The following SUMF1 variants were observed in gnomAD, a reference collection of about 807,000 sequenced individuals.
SUMF1 encodes the protein sulfatase modifying factor 1.
A neutral mutation model predicts 47.6 loss-of-function variants in SUMF1; 48 were observed. The observed-to-expected ratio is 1.01, with a 90% CI of 0.80 to 1.28. The LOEUF is 1.28. SUMF1 is among the 50% of genes most tolerant of loss of function. SUMF1 has a pLI of 0.00. For synonymous variants in SUMF1, 230 were observed against 192.1 expected, an observed-to-expected ratio of 1.20 and a Z score of -1.63; for missense variants, 571 against 485.4, an observed-to-expected ratio of 1.18 and a Z score of -1.66.
intron 8 of SUMF1, among the ~76,000 whole-genome samples, chr3:4,188,767 T>C (rs975764022): frequency 6.6e-6 from 1 of 152,144 alleles, no homozygotes; most frequent in Non-Finnish European, 1.5e-5. Flanking sequence ...AACAATTACC[T>C]CAAAAAGTGT....
chr3:4,128,879 G>A (rs979463623), intron 8 of SUMF1, among the ~76,000 whole-genome samples: 2 of 152,062 alleles, frequency 1.3e-5, no homozygotes, highest in East Asian at 3.9e-4. Context: ...TTCCAGCTCA[G>A]GCAGTTAAAA....
intron 8 of SUMF1, among the ~76,000 whole-genome samples, chr3:4,265,136 C>CACAA (rs1697164070): frequency 2.7e-5 from 2 of 73,412 alleles, no homozygotes; most frequent in African/African-American, 1.0e-4. Context: ...GACTCCATCT[C>CACAA]AAAAAAAAAA....
chr3:4,302,887 G>A (rs1236578396), intron 8 of SUMF1, among the ~76,000 whole-genome samples: 1 of 152,132 alleles, frequency 6.6e-6, no homozygotes, highest in Non-Finnish European at 1.5e-5. Context: ...CAGGGAGTGA[G>A]CATGCCCCCA....
intron 7 of SUMF1, among the ~76,000 whole-genome samples, chr3:4,382,850 C>G (rs1700550979): frequency 6.6e-6 from 1 of 152,046 alleles, no homozygotes; most frequent in South Asian, 2.1e-4. Context: ...TGTTCTCACT[C>G]ACAGGAGGGA....
At chr3:4,036,978 T>C (rs61497065) in intron 9 of SUMF1, among the ~76,000 whole-genome samples, 3,435 of 151,774 alleles carry the variant, frequency 0.023, 111 homozygotes, top group African/African-American at 0.074. Flanking sequence ...AGTATGAAGA[T>C]GACCAGGTTC....
chr3:4,180,329 T>C (rs1170062427), intron 8 of SUMF1, among the ~76,000 whole-genome samples: 1 of 151,892 alleles, frequency 6.6e-6, no homozygotes, highest in African/African-American at 2.4e-5. Context: ...ATTAAGAAAA[T>C]GTGGCACATA....
At chr3:4,326,848 C>T (rs1031215948) in intron 8 of SUMF1, among the ~76,000 whole-genome samples, 2 of 152,048 alleles carry the variant, frequency 1.3e-5, no homozygotes, top group African/African-American at 4.8e-5. Flanking sequence ...GGCTCTCTAA[C>T]ATCATCTCAA....
intron 8 of SUMF1, among the ~76,000 whole-genome samples, chr3:4,324,450 C>T (rs544820534): frequency 5.7e-4 from 86 of 152,136 alleles, no homozygotes; most frequent in African/African-American, 1.6e-3. Flanking sequence ...AAGAGGATTT[C>T]GTGAACTTGA....
At chr3:4,182,145 A>G (rs979914780) in intron 8 of SUMF1, among the ~76,000 whole-genome samples, 2 of 152,152 alleles carry the variant, frequency 1.3e-5, no homozygotes, top group Non-Finnish European at 2.9e-5. Flanking sequence ...TCAGAGCTTT[A>G]TAAGTTTTAC....
At chr3:4,297,934 A>G (rs1226766206) in intron 8 of SUMF1, among the ~76,000 whole-genome samples, 2 of 152,134 alleles carry the variant, frequency 1.3e-5, no homozygotes, top group Non-Finnish European at 2.9e-5. Context: ...CCAATTAAAG[A>G]CCACTTTTGT....
intron 4 of SUMF1, among the ~76,000 whole-genome samples, chr3:4,418,560 G>T (rs964508002): frequency 6.6e-6 from 1 of 152,200 alleles, no homozygotes; most frequent in Non-Finnish European, 1.5e-5. Flanking sequence ...GCCTACAGTG[G>T]CTCAACCTAT....
At chr3:4,353,469 G>A (rs538139077) in intron 8 of SUMF1, among the ~76,000 whole-genome samples, 46 of 152,216 alleles carry the variant, frequency 3.0e-4, no homozygotes, top group Non-Finnish European at 5.6e-4. Context: ...AGCCAGGATG[G>A]TCTCGATCTC....
chr3:4,199,957 G>A (rs1695506799), intron 8 of SUMF1, among the ~76,000 whole-genome samples: 1 of 151,748 alleles, frequency 6.6e-6, no homozygotes, highest in South Asian at 2.1e-4. Flanking sequence ...GTCATCTTTT[G>A]TAGAACACAA....
intron 8 of SUMF1, among the ~76,000 whole-genome samples, chr3:4,176,948 T>C (rs1465524484): frequency 6.6e-6 from 1 of 152,116 alleles, no homozygotes; most frequent in Non-Finnish European, 1.5e-5. Flanking sequence ...AAGAAGGCCA[T>C]TACATAATGG....
chr3:4,039,565 T>C (rs976621027), intron 9 of SUMF1, among the ~76,000 whole-genome samples: 8 of 146,430 alleles, frequency 5.5e-5, no homozygotes, highest in African/African-American at 2.1e-4. Flanking sequence ...TCATTTTTTA[T>C]GGCTGCATAG....
At chr3:4,090,991 G>C (rs1692773218) in intron 8 of SUMF1, among the ~76,000 whole-genome samples, 1 of 151,718 alleles carries the variant, frequency 6.6e-6, no homozygotes, top group South Asian at 2.1e-4. Context: ...TGAGGCAGGA[G>C]AATCGCTTGA....
chr3:4,214,689 T>C lies in SUMF1; in HGVS notation c.1015-145944A>G, dbSNP rs932643006. On this transcript the variant is annotated intron_variant and NMD_transcript_variant, in intron 8 of 12. Coordinates refer to the SUMF1 transcript ENST00000448413. ...CTAATAGAGAGAAGAACCAAATATA[T>C]GCAATAAAAAATCATATAGGGGATA... is the stretch of plus-strand genomic sequence containing the variant. Among the ~76,000 whole-genome samples, 5 of 151,270 alleles carry C rather than the reference T, an allele frequency of 3.3e-5. No individual in the cohort carries two copies. The East Asian group carries it at 9.7e-4, about 29-fold the overall frequency.
intron 8 of SUMF1, among the ~76,000 whole-genome samples, chr3:4,218,067 AG>A (rs1210743097): frequency 2.6e-5 from 4 of 152,146 alleles, no homozygotes; most frequent in African/African-American, 7.2e-5. Flanking sequence ...TGAGGAGGGA[AG>A]GATTTCTCAG....
chr3:4,236,414 T>C (rs970056492), intron 8 of SUMF1, among the ~76,000 whole-genome samples: 3 of 152,094 alleles, frequency 2.0e-5, no homozygotes, highest in Non-Finnish European at 2.9e-5. Context: ...AAATGCTTTT[T>C]CTAATGACTG....
Sources: allele counts gnomAD v4.1 joint callset (sites outside exome capture counted in the v4.1 genomes callset), GRCh38; gene constraint gnomAD v4.1.1; transcripts MANE v1.5; gene names NCBI Gene and HGNC (gene_info 2026-07-23, HGNC 2026-07-21).